Variants in AKAP13 observed in about 807,000 individuals in gnomAD.
AKAP13 encodes A-kinase anchor protein 13.
AKAP13 carries 80 observed loss-of-function variants against 264.5 expected under a neutral mutation model. The ratio of observed to expected loss-of-function variants is 0.30; its 90% CI spans 0.25 to 0.36. The LOEUF (loss-of-function observed/expected upper bound fraction) is 0.36. AKAP13 is among the 10% of genes least tolerant of loss of function. AKAP13 has a pLI of 1.00. For synonymous variants in AKAP13, 1,380 were observed against 1,250.2 expected (o/e 1.10, Z -2.19); for missense variants, 3,712 against 3,435.2 (o/e 1.08, Z -2.01).
In AKAP13 at chr15:85,482,592, C is replaced by T. The variant is rs758324396; in HGVS notation, c.-11-3118C>T. Among the ~76,000 whole-genome samples the T allele has an allele frequency of 4.6e-5, 7 of 152,224 alleles. 1 individual carries two copies. The South Asian group carries it at 1.2e-3, about 27-fold the overall frequency. On this transcript the variant is annotated intron_variant, in intron 1 of 36. Coordinates refer to ENST00000394518, the MANE Select transcript of AKAP13 (RefSeq NM_007200.5). Reference sequence around the variant, plus strand: ...AGGTCATTAGCAGGAGATCCTCTTACGATGTGGGGGGAAAAACACACGTTT... The same window carrying T: ...AGGTCATTAGCAGGAGATCCTCTTATGATGTGGGGGGAAAAACACACGTTT...
At chr15:85,712,627 TCC>T (rs1414877072) in intron 19 of AKAP13, among the ~76,000 whole-genome samples, 1 of 151,998 alleles carries the variant, frequency 6.6e-6, no homozygotes, top group Non-Finnish European at 1.5e-5. Context: ...CACTGCAACA[TCC>T]GCCTTCTGGG....
intron 2 of AKAP13, among the ~76,000 whole-genome samples, chr15:85,505,742 C>T (rs1347929058): frequency 1.3e-5 from 2 of 151,888 alleles, no homozygotes; most frequent in African/African-American, 4.8e-5. Flanking sequence ...TTCAAGAATG[C>T]GTTTTATTTT....
At chr15:85,654,701 G>A (rs1393254199) in intron 10 of AKAP13, among the ~76,000 whole-genome samples, 1 of 152,088 alleles carries the variant, frequency 6.6e-6, no homozygotes, top group Non-Finnish European at 1.5e-5. Flanking sequence ...GCACATGCTT[G>A]TAGTTCCAGC....
At chr15:85,574,657 C>A (rs1423314571) in intron 5 of AKAP13, among the ~76,000 whole-genome samples, 1 of 152,056 alleles carries the variant, frequency 6.6e-6, no homozygotes, top group Non-Finnish European at 1.5e-5. Flanking sequence ...GTTTTCTGCA[C>A]CTATTGTTAG....
intron 30 of AKAP13, among the ~76,000 whole-genome samples, chr15:85,730,997 CTTTTT>C (rs71468134): frequency 5.2e-5 from 3 of 57,380 alleles, no homozygotes; most frequent in Non-Finnish European, 8.8e-5. Context: ...GTCACTTATG[CTTTTT>C]TTTTTTTTTT....
chr15:85,726,626 G>A, intron 27 of AKAP13, 140 bp downstream of exon 27: 1 of 684,320 alleles, frequency 1.5e-6, no homozygotes, highest in Non-Finnish European at 2.4e-6. Context: ...TTTCCCACAT[G>A]CCCTCAGAAT....
intron 3 of AKAP13, among the ~76,000 whole-genome samples, chr15:85,525,352 C>T (rs750784416): frequency 5.3e-5 from 8 of 152,142 alleles, no homozygotes; most frequent in Non-Finnish European, 8.8e-5. Context: ...GCCACCGTGC[C>T]CAGCCTGAAT....
At chr15:85,442,041 A>G (rs936573758) in intron 1 of AKAP13, among the ~76,000 whole-genome samples, 3 of 152,166 alleles carry the variant, frequency 2.0e-5, no homozygotes, top group African/African-American at 7.2e-5. Context: ...CCTAGGGATG[A>G]TTATGAAATC....
intron 30 of AKAP13, among the ~76,000 whole-genome samples, chr15:85,734,400 C>T (rs2088285960): frequency 6.6e-6 from 1 of 152,260 alleles, no homozygotes; most frequent in Admixed American, 6.5e-5. Context: ...TTTAATATGG[C>T]TTGTCTTATC....
chr15:85,544,669 CA>C (rs2151216213), intron 5 of AKAP13, among the ~76,000 whole-genome samples: 1 of 152,210 alleles, frequency 6.6e-6, no homozygotes, highest in South Asian at 2.1e-4. Context: ...CTAGAGCAGC[CA>C]AAAGTTTTTA....
Position 85,743,816 on chromosome 15 carries a change from C to T in AKAP13, c.8383C>T (p.Gln2795Ter). 1 of 1,609,850 alleles carries T rather than the reference C, an allele frequency of 6.2e-7. No individual in the cohort carries two copies. The highest frequency in any genetic ancestry group is 8.5e-7 in the Non-Finnish European group (1 of 1,178,234). ...KKKKNKTSRS[Q>*]PGDGPASEVS... ...AAAGAAGAACAAAACCAGCCGCTCT[C>T]AGCCCGGTGGTGAGTCACGCACACC... Residue 2795 changes from glutamine to a stop codon, truncating the protein, a stop_gained, in exon 36 of 37, where the codon CAG becomes TAG. Transcript: ENST00000394518. LOFTEE classifies it high-confidence loss of function.
chr15:85,602,699 A>T (rs531096679), intron 8 of AKAP13, among the ~76,000 whole-genome samples: 1 of 152,192 alleles, frequency 6.6e-6, no homozygotes, highest in Admixed American at 6.5e-5. Flanking sequence ...CATGTTGGCC[A>T]GCCTGGTCTT....
chr15:85,413,718 C>T (rs939282642), intron 1 of AKAP13, among the ~76,000 whole-genome samples: 12 of 152,024 alleles, frequency 7.9e-5, no homozygotes, highest in African/African-American at 2.9e-4. Context: ...GTTCTCAGGC[C>T]CTTGTTAGGA....
Position 85,581,287 on chromosome 15 carries a change from A to G in AKAP13, c.3219A>G (p.Gln1073=), listed in dbSNP as rs1347985672. 4 of 1,614,198 alleles carry G rather than the reference A, an allele frequency of 2.5e-6. No homozygotes were observed. Among genetic ancestry groups the G allele is most frequent in the Non-Finnish European group, 3.4e-6 (4 of 1,180,028 alleles). Residue 1073 remains glutamine, a synonymous_variant, in exon 7 of 37, where the codon CAA becomes CAG. Transcript: ENST00000394518. ...TGGATGTTGGAGTGAAGAACACTCA[A>G]TCCCAGGGAAAAACTAGTGCCTGTG... ...SPLDVGVKNT[Q]SQGKTSACEV... is the part of the protein sequence containing the mutation.
chr15:85,693,161 A>T, intron 16 of AKAP13, 116 bp from the exon 17 acceptor site: 1 of 1,389,210 alleles, frequency 7.2e-7, no homozygotes, highest in Non-Finnish European at 9.3e-7. Flanking sequence ...TTTGTTTCTC[A>T]CTCCTTTCCA....
intron 1 of AKAP13, among the ~76,000 whole-genome samples, chr15:85,482,428 G>T (rs2075379485): frequency 3.3e-5 from 5 of 152,134 alleles, no homozygotes; most frequent in African/African-American, 1.2e-4. Flanking sequence ...ATTTTTGTCT[G>T]TTCCTTCTGT....
intron 3 of AKAP13, among the ~76,000 whole-genome samples, chr15:85,532,310 T>C (rs925830142): frequency 2.0e-5 from 3 of 152,242 alleles, no homozygotes; most frequent in African/African-American, 7.2e-5. Flanking sequence ...ATTGTCTCTT[T>C]CAAAGACAGC....
intron 8 of AKAP13, among the ~76,000 whole-genome samples, chr15:85,623,493 T>C (rs2081283637): frequency 6.6e-6 from 1 of 152,212 alleles, no homozygotes; most frequent in African/African-American, 2.4e-5. Flanking sequence ...CACGCTTTAT[T>C]TGGCTGCTTC....
chr15:85,631,500 T>TCACACACACACACACACACA (rs1189326372), intron 8 of AKAP13, among the ~76,000 whole-genome samples: 1 of 80,196 alleles, frequency 1.2e-5, no homozygotes, highest in African/African-American at 4.3e-5. Flanking sequence ...TCTCTCTCTC[T>TCACACACACACACACACACA]CTCACACACA....
Sources: allele counts gnomAD v4.1 joint callset (sites outside exome capture counted in the v4.1 genomes callset), GRCh38; gene constraint gnomAD v4.1.1; transcripts MANE v1.5; gene names NCBI Gene and HGNC (gene_info 2026-07-23, HGNC 2026-07-21).